Variants in ZNF385D observed in about 807,000 individuals in gnomAD.
ZNF385D encodes the protein zinc finger protein 659.
Under a neutral mutation model 35.8 loss-of-function variants are expected in ZNF385D, and 15 were observed. The observed-to-expected ratio is 0.42, with a 90% CI of 0.28 to 0.64. The LOEUF (loss-of-function observed/expected upper bound fraction) is 0.64, where lower values mean the gene tolerates loss of function less well. Ranked by LOEUF, ZNF385D falls within the 30% of genes least tolerant of loss-of-function variation. The probability of loss-of-function intolerance (pLI) is 0.23; values close to 1 mark genes in which losing one functional copy is unlikely to be tolerated. For synonymous variants in ZNF385D, 212 were observed against 186.8 expected (o/e 1.13, Z -1.10); for missense variants, 474 against 494.6 (o/e 0.96, Z 0.39).
At chr3:22,372,535 C>G (rs1156849490) in exon 2 of ZNF385D, 1 of 985,788 alleles carries the variant, frequency 1.0e-6, no homozygotes, top group Non-Finnish European at 1.2e-6. Context: ...TGGCGGCCGC[C>G]CGGCGCCCTG....
At chr3:21,758,200 T>G (rs1051485083) in intron 3 of ZNF385D, among the ~76,000 whole-genome samples, 4 of 152,210 alleles carry the variant, frequency 2.6e-5, no homozygotes, top group African/African-American at 7.2e-5. Flanking sequence ...TCTGTTAAGT[T>G]GTTGCTATCC....
At position 21,533,313 on chromosome 3, in the gene ZNF385D, G is replaced by A. The variant is rs143689637; in HGVS notation, c.277-22290C>T. 2.8e-3 allele frequency among the ~76,000 whole-genome samples: 422 copies of A among 152,128 alleles called. 3 individuals carry two copies. Among genetic ancestry groups the A allele is most frequent in the Non-Finnish European group, 4.5e-3 (308 of 68,022 alleles). The stretch of plus-strand genomic sequence containing the variant: ...CGTTTCCCCACTTAGAAAACCACAA[G>A]TACTAAGTGATTGCTTCACATTTGG... On this transcript the variant is annotated intron_variant, in intron 3 of 7. Transcript: ENST00000281523.
intron 1 of ZNF385D, among the ~76,000 whole-genome samples, chr3:21,671,876 C>G (rs747619699): frequency 1.3e-5 from 2 of 152,104 alleles, no homozygotes; most frequent in Non-Finnish European, 2.9e-5. Flanking sequence ...CTGGCACTGC[C>G]TTATATTTGA....
At chr3:21,533,961 T>G (rs2061980921) in intron 3 of ZNF385D, among the ~76,000 whole-genome samples, 1 of 152,076 alleles carries the variant, frequency 6.6e-6, no homozygotes. Context: ...TATGAACAAT[T>G]TTTCTATTTT....
At chr3:21,449,372 G>A (rs370263358) in intron 4 of ZNF385D, among the ~76,000 whole-genome samples, 124 of 151,892 alleles carry the variant, frequency 8.2e-4, no homozygotes, top group South Asian at 3.5e-3. Flanking sequence ...ATCTTGTTAC[G>A]TAAGAGTTAA....
intron 3 of ZNF385D, among the ~76,000 whole-genome samples, chr3:21,774,615 A>G (rs2071212072): frequency 6.6e-6 from 1 of 151,736 alleles, no homozygotes; most frequent in South Asian, 2.1e-4. Context: ...GAAAAATATT[A>G]TGGTAGGTGC....
At chr3:21,809,687 C>A (rs1053142701) in intron 3 of ZNF385D, among the ~76,000 whole-genome samples, 3 of 148,094 alleles carry the variant, frequency 2.0e-5, no homozygotes, top group Non-Finnish European at 4.5e-5. Context: ...CACATATATA[C>A]CTATATACAT....
chr3:22,080,422 A>C, intron 3 of ZNF385D, among the ~76,000 whole-genome samples: 1 of 152,092 alleles, frequency 6.6e-6, no homozygotes, highest in Non-Finnish European at 1.5e-5. Context: ...ATAAATAAAT[A>C]ATCTGTTTTC....
intron 3 of ZNF385D, among the ~76,000 whole-genome samples, chr3:21,899,611 A>G (rs573944297): frequency 6.6e-6 from 1 of 152,092 alleles, no homozygotes. Flanking sequence ...ATAAACATTT[A>G]TCAGTTGTGA....
intron 2 of ZNF385D, among the ~76,000 whole-genome samples, chr3:22,185,806 G>A (rs1466033008): frequency 6.6e-6 from 1 of 152,120 alleles, no homozygotes; most frequent in Non-Finnish European, 1.5e-5. Context: ...GTCCCACCTG[G>A]AAAAGCACCC....
At chr3:21,611,297 T>G (rs1038530467) in intron 2 of ZNF385D, among the ~76,000 whole-genome samples, 4 of 152,140 alleles carry the variant, frequency 2.6e-5, no homozygotes, top group African/African-American at 9.7e-5. Flanking sequence ...TTTCCCATTT[T>G]GCAGATGAGG....
intron 3 of ZNF385D, among the ~76,000 whole-genome samples, chr3:21,985,911 G>A (rs1224922358): frequency 1.8e-4 from 24 of 130,400 alleles, no homozygotes; most frequent in African/African-American, 5.3e-4. Flanking sequence ...TGTATGTGTC[G>A]AGGAATGTAT....
chr3:21,623,350 G>C (rs952423740), intron 2 of ZNF385D, among the ~76,000 whole-genome samples: 2 of 152,036 alleles, frequency 1.3e-5, no homozygotes, highest in African/African-American at 2.4e-5. Flanking sequence ...AAAAACATTT[G>C]TTTTTGTTTT....
At chr3:22,187,073 G>A (rs558360316) in intron 2 of ZNF385D, among the ~76,000 whole-genome samples, 2 of 152,218 alleles carry the variant, frequency 1.3e-5, no homozygotes, top group East Asian at 1.9e-4. Flanking sequence ...TGACATACCA[G>A]ATTATAACAA....
At chr3:21,768,611 T>C (rs765488156) in intron 3 of ZNF385D, among the ~76,000 whole-genome samples, 8 of 151,976 alleles carry the variant, frequency 5.3e-5, no homozygotes, top group Non-Finnish European at 1.0e-4. Flanking sequence ...CTGAAATAAA[T>C]TGCACATAGC....
rs977353699 is a variant in ZNF385D, at chr3:21,767,060, A to AC, written c.326-102033dup. On this transcript the variant is annotated intron_variant, in intron 3 of 5. Coordinates refer to the ZNF385D transcript ENST00000494108. ...AAAGTGGTTAAATAATGTGCGTACA[A>AC]CCCCCCCACCCACCCTCACACACAC... Among the ~76,000 whole-genome samples, 738 of 145,794 alleles carry AC rather than the reference A, an allele frequency of 5.1e-3. 7 individuals carry two copies. Among genetic ancestry groups the AC allele is most frequent in the African/African-American group, 0.017 (678 of 39,824 alleles).
chr3:22,315,368 A>C (rs1703828196), intron 2 of ZNF385D, among the ~76,000 whole-genome samples: 1 of 152,192 alleles, frequency 6.6e-6, no homozygotes, highest in South Asian at 2.1e-4. Flanking sequence ...AGATACATCA[A>C]GGTTAATGTC....
chr3:21,647,763 G>A (rs924885024), intron 2 of ZNF385D, among the ~76,000 whole-genome samples: 3 of 151,932 alleles, frequency 2.0e-5, no homozygotes, highest in Non-Finnish European at 4.4e-5. Flanking sequence ...TAAAAACCAG[G>A]TTAACAACTG....
At chr3:22,125,044 G>A (rs574565682) in intron 3 of ZNF385D, among the ~76,000 whole-genome samples, 1 of 152,218 alleles carries the variant, frequency 6.6e-6, no homozygotes, top group African/African-American at 2.4e-5. Flanking sequence ...CAGTTTCATA[G>A]TTTGAGATCT....
Sources: allele counts gnomAD v4.1 joint callset (sites outside exome capture counted in the v4.1 genomes callset), GRCh38; gene constraint gnomAD v4.1.1; transcripts MANE v1.5; gene names NCBI Gene and HGNC (gene_info 2026-07-23, HGNC 2026-07-21).